ATP9A: variants seen among roughly 807,000 people sequenced by gnomAD.
ATP9A encodes ATPase phospholipid transporting 9A, also known as probable phospholipid-transporting ATPase IIA.
Under a neutral mutation model 144.1 loss-of-function variants are expected in ATP9A, and 52 were observed. That is an observed-to-expected ratio of 0.36 (90% CI 0.29 to 0.45). The LOEUF (loss-of-function observed/expected upper bound fraction) is 0.45. Ranked by LOEUF, ATP9A falls within the 20% of genes least tolerant of loss-of-function variation. The pLI, the probability that ATP9A is intolerant of heterozygous loss-of-function variation, is 1.00. For synonymous variants in ATP9A, 582 were observed against 557.4 expected (o/e 1.04, Z -0.62); for missense variants, 947 against 1,392.7 (o/e 0.68, Z 5.09).
intron 1 of ATP9A, among the ~76,000 whole-genome samples, chr20:51,742,024 G>A (rs2077787268): frequency 6.6e-6 from 1 of 152,180 alleles, no homozygotes; most frequent in South Asian, 2.1e-4. Context: ...TTACATAAAT[G>A]TATTTTAAAT....
intron 4 of ATP9A, among the ~76,000 whole-genome samples, chr20:51,710,469 C>A (rs1346818696): frequency 2.6e-5 from 4 of 152,172 alleles, no homozygotes; most frequent in South Asian, 2.1e-4. Flanking sequence ...AAAAAGGCTT[C>A]TTTTTCTCCC....
Position 51,725,985 on chromosome 20 carries a change from T to A in ATP9A, c.214-53A>T, listed in dbSNP as rs1052282794. On this transcript the variant is annotated intron_variant, in intron 2 of 27. Coordinates refer to ENST00000338821, the MANE Select transcript of ATP9A (RefSeq NM_006045.3). Reference sequence around the variant, plus strand: ...GACATTCAGGGCTTGTCTGATGAGATCTGGAACATTTGGTGGGAAATGAAT... The same window carrying A: ...GACATTCAGGGCTTGTCTGATGAGAACTGGAACATTTGGTGGGAAATGAAT... The A allele has an allele frequency of 1.8e-5, 19 of 1,066,838 alleles. No individual in the cohort carries two copies. The African/African-American group carries it at 2.3e-4, about 13-fold the overall frequency. The allele number at this position is 1,066,838 out of a possible 1,614,324, so 66.1% of individuals were successfully genotyped here. A position where few individuals can be genotyped will look rare whatever the true frequency, so the allele number is the denominator to read the frequency against.
intron 1 of ATP9A, among the ~76,000 whole-genome samples, chr20:51,767,978 G>A (rs1262871486): frequency 6.6e-6 from 1 of 152,208 alleles, no homozygotes; most frequent in Non-Finnish European, 1.5e-5. Flanking sequence ...CAATAAAACG[G>A]TGAGAAAGCA....
rs2077120935 is a variant in ATP9A, at chr20:51,596,707, TATA to T, written c.*4501_*4503del. The T allele has an allele frequency of 6.6e-6, 1 of 152,130 alleles. No individual in the cohort carries two copies. Among genetic ancestry groups the T allele is most frequent in the Non-Finnish European group, 1.5e-5 (1 of 68,028 alleles). 9.4% of individuals were successfully genotyped at this position (152,130 alleles called of 1,614,324 possible). On this transcript the variant is annotated 3_prime_UTR_variant, in exon 28 of 28. Coordinates refer to ENST00000338821, the MANE Select transcript of ATP9A (RefSeq NM_006045.3). ...TGAAATAAAGAAAAAATAGGAGCGT[TATA>T]ATAAAAAGTCCTCATTTTGATACCA...
At chr20:51,708,153 T>C (rs544476967) in intron 4 of ATP9A, among the ~76,000 whole-genome samples, 10 of 152,186 alleles carry the variant, frequency 6.6e-5, no homozygotes, top group Non-Finnish European at 8.8e-5. Flanking sequence ...CAATTGATGT[T>C]GTTCGAGATA....
chr20:51,648,795 GTA>G (rs1468767204), intron 14 of ATP9A, among the ~76,000 whole-genome samples: 2 of 152,110 alleles, frequency 1.3e-5, no homozygotes, highest in Non-Finnish European at 2.9e-5. Flanking sequence ...CTGCACCACT[GTA>G]TTCCAGCCTG....
At chr20:51,756,627 G>C (rs149069575) in intron 1 of ATP9A, among the ~76,000 whole-genome samples, 2 of 151,946 alleles carry the variant, frequency 1.3e-5, no homozygotes, top group Non-Finnish European at 2.9e-5. Context: ...TAAGGTCACC[G>C]GGCTGGATGG....
At chr20:51,733,114 G>A (rs759549549) in intron 1 of ATP9A, among the ~76,000 whole-genome samples, 1 of 152,166 alleles carries the variant, frequency 6.6e-6, no homozygotes, top group African/African-American at 2.4e-5. Context: ...CAAGCTATCC[G>A]GTTACAGTTA....
At chr20:51,636,940 A>G (rs2077294783) in intron 15 of ATP9A, among the ~76,000 whole-genome samples, 1 of 152,098 alleles carries the variant, frequency 6.6e-6, no homozygotes, top group Admixed American at 6.6e-5. Context: ...TAATACAAAA[A>G]ATTAGCCGGG....
chr20:51,673,205 C>T (rs1411401346), intron 11 of ATP9A, among the ~76,000 whole-genome samples: 2 of 151,986 alleles, frequency 1.3e-5, no homozygotes, highest in African/African-American at 4.8e-5. Flanking sequence ...GAAACCCCAA[C>T]TCTACTAAAA....
At chr20:51,655,207 A>G (rs113189380) in intron 14 of ATP9A, among the ~76,000 whole-genome samples, 83 of 152,344 alleles carry the variant, frequency 5.4e-4, no homozygotes, top group Non-Finnish European at 9.4e-4. Flanking sequence ...AGATGATTAG[A>G]AAACAGAAAT....
chr20:51,709,487 C>G lies in ATP9A; in HGVS notation c.436+3479G>C, dbSNP rs567727480. 5.9e-5 allele frequency among the ~76,000 whole-genome samples: 9 copies of G among 152,236 alleles called. No homozygotes were observed. In the East Asian group the frequency reaches 1.7e-3, roughly 29 times the overall value. On this transcript the variant is annotated intron_variant, in intron 4 of 27. Transcript: ENST00000338821. ...CCGAGATCGCGCCATTGCATTCCAG[C>G]CTGCGCGAGGGGGTTCGGTGGGGAA...
At chr20:51,607,342 G>C (rs1016683370) in intron 26 of ATP9A, among the ~76,000 whole-genome samples, 185 bp downstream of exon 26, 1 of 152,228 alleles carries the variant, frequency 6.6e-6, no homozygotes, top group Non-Finnish European at 1.5e-5. Context: ...TCACACAGCA[G>C]CACTGTGCAT....
intron 9 of ATP9A, among the ~76,000 whole-genome samples, chr20:51,684,713 A>T (rs537233916): frequency 7.8e-6 from 1 of 127,420 alleles, no homozygotes; most frequent in Non-Finnish European, 1.7e-5. Flanking sequence ...AAAAAAAAAA[A>T]GGAAAGAAAA....
At chr20:51,601,538 C>T (rs2077143105) in intron 27 of ATP9A, among the ~76,000 whole-genome samples, 191 bp from the exon 28 acceptor site, 1 of 152,224 alleles carries the variant, frequency 6.6e-6, no homozygotes, top group Non-Finnish European at 1.5e-5. Flanking sequence ...CACAGCGCCG[C>T]AGCTTGATTT....
intron 11 of ATP9A, 36 bp from the exon 12 acceptor site, chr20:51,671,293 C>T (rs2122788126): frequency 6.2e-7 from 1 of 1,603,512 alleles, no homozygotes; most frequent in Non-Finnish European, 8.5e-7. Context: ...GCTAACAGGA[C>T]AGATGTAAGG....
chr20:51,727,158 T>C (rs2077718174), intron 2 of ATP9A, among the ~76,000 whole-genome samples: 2 of 151,122 alleles, frequency 1.3e-5, no homozygotes, highest in East Asian at 2.0e-4. Flanking sequence ...CAGGCACCTA[T>C]AGGCTACTCA....
At chr20:51,742,429 A>G (rs1315286128) in intron 1 of ATP9A, among the ~76,000 whole-genome samples, 1 of 152,146 alleles carries the variant, frequency 6.6e-6, no homozygotes, top group Non-Finnish European at 1.5e-5. Context: ...ATGAAAAGCA[A>G]AGTGTGTTAC....
At chr20:51,604,566 CAAAAA>C (rs2077155824) in intron 27 of ATP9A, among the ~76,000 whole-genome samples, 1 of 152,136 alleles carries the variant, frequency 6.6e-6, no homozygotes, top group African/African-American at 2.4e-5. Flanking sequence ...GACTCCGACT[CAAAAA>C]GAAAAACAAA....
Sources: allele counts gnomAD v4.1 joint callset (sites outside exome capture counted in the v4.1 genomes callset), GRCh38; gene constraint gnomAD v4.1.1; transcripts MANE v1.5; gene names NCBI Gene and HGNC (gene_info 2026-07-23, HGNC 2026-07-21).